Variants in PIWIL2 observed in about 807,000 individuals in gnomAD.
PIWIL2 encodes the protein piwi-like protein 2.
A neutral mutation model predicts 116.5 loss-of-function variants in PIWIL2; 81 were observed. That is an observed-to-expected ratio of 0.70 (90% CI 0.58 to 0.84). The LOEUF (loss-of-function observed/expected upper bound fraction) is 0.84. Among genes scored for constraint, PIWIL2 ranks in the 40% least tolerant of loss-of-function variants. The pLI is 0.00. For missense variants in PIWIL2, 1,272 were observed against 1,212.3 expected (o/e 1.05, Z -0.73); for synonymous variants, 489 against 429.5 (o/e 1.14, Z -1.71).
chr8:22,348,249 G>C (rs1461983175), intron 20 of PIWIL2, among the ~76,000 whole-genome samples: 1 of 151,506 alleles, frequency 6.6e-6, no homozygotes, highest in African/African-American at 2.4e-5. Context: ...GCAGTGAGCC[G>C]AGATCACACC....
At position 22,351,436 on chromosome 8, in the gene PIWIL2, CATACATATATATATATATATATATAT is replaced by C. The variant is rs1286917515; in HGVS notation, c.2404-1519_2404-1494del. 2.1e-3 allele frequency among the ~76,000 whole-genome samples: 96 copies of C among 46,262 alleles called. 2 individuals carry two copies. The highest frequency in any genetic ancestry group is 4.4e-3 in the African/African-American group (70 of 15,910). 30.3% of individuals were successfully genotyped at this position (46,262 alleles called of 152,430 possible). A position where few individuals can be genotyped will look rare whatever the true frequency, so the allele number is the denominator to read the frequency against. The stretch of plus-strand genomic sequence containing the variant: ...AGTAACCTGTAAGGAACAGTGCATA[CATACATATATATATATATATATATAT>C]ATATATATATATATATATATAATTT... On this transcript the variant is annotated intron_variant, in intron 20 of 22. Coordinates refer to ENST00000356766, the MANE Select transcript of PIWIL2 (RefSeq NM_018068.5).
At chr8:22,321,892 G>C in intron 20 of PIWIL2, 2 of 985,108 alleles carry the variant, frequency 2.0e-6, no homozygotes. Context: ...AACAGTTGCC[G>C]CCTTACACAT....
At chr8:22,287,858 G>A (rs181124800) in intron 7 of PIWIL2, among the ~76,000 whole-genome samples, 112 of 152,256 alleles carry the variant, frequency 7.4e-4, no homozygotes, top group Non-Finnish European at 1.2e-3. Flanking sequence ...CTGTATGTTC[G>A]AGTTGTGCTT....
At chr8:22,278,237 T>G (rs1830422961) in intron 1 of PIWIL2, among the ~76,000 whole-genome samples, 1 of 152,048 alleles carries the variant, frequency 6.6e-6, no homozygotes, top group South Asian at 2.1e-4. Flanking sequence ...AAAAACTGCC[T>G]TAGCCAGGTG....
intron 20 of PIWIL2, 32 bp downstream of exon 20, chr8:22,318,307 G>A (rs746381376): frequency 1.6e-6 from 2 of 1,271,730 alleles, no homozygotes; most frequent in South Asian, 1.3e-5. Flanking sequence ...AGGCTTCTGG[G>A]GTTTTTTGTT....
intron 10 of PIWIL2, among the ~76,000 whole-genome samples, chr8:22,300,261 A>C (rs971358554): frequency 2.6e-5 from 4 of 151,574 alleles, no homozygotes; most frequent in Non-Finnish European, 5.9e-5. Flanking sequence ...CCACCCACCC[A>C]CCTGCCTGCC....
chr8:22,341,396 G>T (rs888752533), intron 20 of PIWIL2, among the ~76,000 whole-genome samples: 1 of 151,844 alleles, frequency 6.6e-6, no homozygotes, highest in African/African-American at 2.4e-5. Context: ...AGGAGTTCAA[G>T]ACCAGCCTGA....
intron 19 of PIWIL2, among the ~76,000 whole-genome samples, chr8:22,317,607 A>G (rs1231352196): frequency 1.3e-5 from 2 of 151,898 alleles, no homozygotes; most frequent in Non-Finnish European, 2.9e-5. Context: ...CTATTGGAGC[A>G]GTTTTTGTAG....
At chr8:22,298,451 G>T (rs552690176) in intron 10 of PIWIL2, among the ~76,000 whole-genome samples, 10 of 152,232 alleles carry the variant, frequency 6.6e-5, no homozygotes, top group African/African-American at 2.2e-4. Context: ...AATGACAAAG[G>T]CCTGTTTGAT....
At chr8:22,296,609 T>A (rs1830913662) in intron 10 of PIWIL2, among the ~76,000 whole-genome samples, 1 of 152,234 alleles carries the variant, frequency 6.6e-6, no homozygotes, top group Admixed American at 6.5e-5. Flanking sequence ...AAGGCACTAC[T>A]CCATCGTCCT....
chr8:22,328,516 C>T (rs539026473), intron 20 of PIWIL2, among the ~76,000 whole-genome samples: 3 of 152,140 alleles, frequency 2.0e-5, no homozygotes, highest in Admixed American at 2.0e-4. Context: ...ATCTAGATTA[C>T]TTTGAAGAGT....
intron 20 of PIWIL2, among the ~76,000 whole-genome samples, chr8:22,337,124 C>G (rs1831997974): frequency 6.6e-6 from 1 of 152,136 alleles, no homozygotes; most frequent in South Asian, 2.1e-4. Flanking sequence ...AGGAACACTT[C>G]CCTCCTTATA....
At chr8:22,339,877 C>T (rs1054788346) in intron 20 of PIWIL2, among the ~76,000 whole-genome samples, 1 of 151,960 alleles carries the variant, frequency 6.6e-6, no homozygotes, top group Non-Finnish European at 1.5e-5. Context: ...AGCTAAATAT[C>T]ATTTGTCATT....
In PIWIL2 at chr8:22,352,839, G is replaced by A. The variant is rs1171149563; in HGVS notation, c.2404-120G>A. ...CTGCCCTCTAGGCACAGTAGCTTTG[G>A]CACTAACTGCAAAAGGATCTGCCAT... On this transcript the variant is annotated intron_variant, in intron 20 of 22. Transcript: ENST00000356766. 6.1e-6 allele frequency: 6 copies of A among 982,194 alleles called. No individual in the cohort carries two copies. The East Asian group carries it at 7.4e-5, about 12-fold the overall frequency. 60.8% of individuals were successfully genotyped at this position (982,194 alleles called of 1,614,324 possible).
At chr8:22,310,148 C>A in intron 15 of PIWIL2, 74 bp downstream of exon 15, 3 of 769,808 alleles carry the variant, frequency 3.9e-6, no homozygotes, top group Non-Finnish European at 4.4e-6. Flanking sequence ...CAGGAATGAT[C>A]TAGAGTCTTC....
chr8:22,340,631 T>C (rs1027596797), intron 20 of PIWIL2, among the ~76,000 whole-genome samples: 2 of 151,972 alleles, frequency 1.3e-5, no homozygotes, highest in Admixed American at 6.6e-5. Context: ...GAGGCAGAGA[T>C]TGGAAGAATG....
At chr8:22,306,061 C>T (rs1831170474) in intron 13 of PIWIL2, 45 bp downstream of exon 13, 1 of 1,369,898 alleles carries the variant, frequency 7.3e-7, no homozygotes, top group Non-Finnish European at 1.0e-6. Context: ...CTTTGTGAGG[C>T]AGCCTTTTGG....
chr8:22,353,206 G>C lies in PIWIL2; in HGVS notation c.2651G>C (p.Cys884Ser). ...GTVVDHTITS[C>S]EWVDFYLLAH... is the part of the protein sequence containing the mutation. ...GTGGTAGATCATACAATAACAAGCT[G>C]TGAGTGGTAAGTGAGCAAAATATGT... The change falls in exon 21 of 23, where the codon TGT becomes TCT. Residue 884 changes from cysteine (C) to serine (S), a missense_variant. Coordinates refer to ENST00000356766, the MANE Select transcript of PIWIL2 (RefSeq NM_018068.5). The C allele has an allele frequency of 6.2e-7, 1 of 1,610,656 alleles. No individual in the cohort carries two copies. Among genetic ancestry groups the C allele is most frequent in the Non-Finnish European group, 8.5e-7 (1 of 1,177,318 alleles).
chr8:22,312,433 T>G (rs1831355974), intron 16 of PIWIL2, among the ~76,000 whole-genome samples: 1 of 148,758 alleles, frequency 6.7e-6, no homozygotes, highest in South Asian at 2.1e-4. Flanking sequence ...CCTGGCTAAT[T>G]AAAAAAAAAA....
Sources: allele counts gnomAD v4.1 joint callset (sites outside exome capture counted in the v4.1 genomes callset), GRCh38; gene constraint gnomAD v4.1.1; transcripts MANE v1.5; gene names NCBI Gene and HGNC (gene_info 2026-07-23, HGNC 2026-07-21).